Variants in SPSB4 observed in about 807,000 individuals in gnomAD.
The protein encoded by SPSB4 is splA/ryanodine receptor domain and SOCS box containing 4, also known as SPRY domain-containing SOCS box protein 4.
In SPSB4, 21 loss-of-function variants were observed where a neutral mutation model predicts 20.9. That is an observed-to-expected ratio of 1.01 (90% CI 0.71 to 1.45). The LOEUF (loss-of-function observed/expected upper bound fraction) is 1.45. Among genes scored for constraint, SPSB4 ranks in the 40% most tolerant of loss-of-function variants. The probability of loss-of-function intolerance (pLI) is 0.00; values close to 1 mark genes in which losing one functional copy is unlikely to be tolerated. For synonymous variants in SPSB4, 207 were observed against 183.8 expected (o/e 1.13, Z -1.02); for missense variants, 399 against 399.2 (o/e 1.00, Z 0.00).
At chr3:141,107,207 G>A (rs1435860713) in intron 2 of SPSB4, among the ~76,000 whole-genome samples, 2 of 152,258 alleles carry the variant, frequency 1.3e-5, no homozygotes, top group African/African-American at 4.8e-5. Context: ...CTAAAGGGCA[G>A]GTGACGGATG....
At chr3:141,109,619 C>T (rs1222990115) in intron 2 of SPSB4, among the ~76,000 whole-genome samples, 1 of 152,046 alleles carries the variant, frequency 6.6e-6, no homozygotes, top group African/African-American at 2.4e-5. Context: ...TTTAGACTTC[C>T]ACAGTAATCT....
intron 2 of SPSB4, among the ~76,000 whole-genome samples, chr3:141,078,296 T>C (rs1457496225): frequency 6.6e-6 from 1 of 152,224 alleles, no homozygotes; most frequent in African/African-American, 2.4e-5. Context: ...ACCCTTGCAG[T>C]GGGGCTTGGA....
At chr3:141,099,678 T>C (rs1938588677) in intron 2 of SPSB4, among the ~76,000 whole-genome samples, 1 of 152,208 alleles carries the variant, frequency 6.6e-6, no homozygotes, top group South Asian at 2.1e-4. Context: ...AATCTTAGGA[T>C]AGTGAGGGGA....
At chr3:141,134,832 T>C (rs1056980862) in intron 2 of SPSB4, among the ~76,000 whole-genome samples, 7 of 152,064 alleles carry the variant, frequency 4.6e-5, no homozygotes, top group African/African-American at 1.4e-4. Context: ...ACTGGCTTCA[T>C]AGAATAATTT....
chr3:141,094,973 A>T (rs1319391576), intron 2 of SPSB4, among the ~76,000 whole-genome samples: 1 of 151,880 alleles, frequency 6.6e-6, no homozygotes, highest in African/African-American at 2.4e-5. Context: ...CCTCCCAGAG[A>T]ACATGGGAGA....
At chr3:141,088,861 A>G (rs1414259467) in intron 2 of SPSB4, among the ~76,000 whole-genome samples, 1 of 152,106 alleles carries the variant, frequency 6.6e-6, no homozygotes, top group Admixed American at 6.5e-5. Context: ...CTGCACCCAC[A>G]TCTTTGTCTC....
At chr3:141,123,952 G>A (rs1167181332) in intron 2 of SPSB4, 1 of 152,286 alleles carries the variant, frequency 6.6e-6, no homozygotes, top group Admixed American at 6.5e-5. Flanking sequence ...GCTGAGTTAG[G>A]AGTATCCTCT....
chr3:141,057,099 T>C (rs982135714), intron 1 of SPSB4, among the ~76,000 whole-genome samples: 2 of 152,210 alleles, frequency 1.3e-5, no homozygotes, highest in Non-Finnish European at 2.9e-5. Context: ...TGATTCCACC[T>C]GGAACTGGAC....
At chr3:141,140,660 G>A (rs1012104550) in intron 2 of SPSB4, among the ~76,000 whole-genome samples, 21 of 152,310 alleles carry the variant, frequency 1.4e-4, no homozygotes, top group Middle Eastern at 3.4e-3. Flanking sequence ...TTGGTGAACC[G>A]CAAATGCTGC....
intron 2 of SPSB4, among the ~76,000 whole-genome samples, chr3:141,084,521 C>T (rs1938306965): frequency 6.6e-6 from 1 of 152,238 alleles, no homozygotes. Flanking sequence ...CATTTTTAGG[C>T]AGCTGCCCTG....
At chr3:141,056,830 G>C (rs1365016859) in intron 1 of SPSB4, among the ~76,000 whole-genome samples, 1 of 152,260 alleles carries the variant, frequency 6.6e-6, no homozygotes. Context: ...TGGTGACCGG[G>C]CTGGCCCGGA....
chr3:141,083,222 A>G (rs62283579), intron 2 of SPSB4, among the ~76,000 whole-genome samples: 24,506 of 152,110 alleles, frequency 0.16, 2,389 homozygotes, highest in African/African-American at 0.24. Flanking sequence ...GTGCCTGGCC[A>G]GCTTATTTGA....
At chr3:141,119,249 G>C (rs547372974) in intron 2 of SPSB4, among the ~76,000 whole-genome samples, 2 of 152,278 alleles carry the variant, frequency 1.3e-5, no homozygotes, top group South Asian at 4.1e-4. Flanking sequence ...TCTCTTTGTA[G>C]TAATTGTGAA....
intron 2 of SPSB4, among the ~76,000 whole-genome samples, chr3:141,100,378 C>T (rs570020095): frequency 1.3e-5 from 2 of 152,266 alleles, no homozygotes; most frequent in Admixed American, 6.5e-5. Context: ...TGGACATAGA[C>T]ATGCACACAA....
intron 2 of SPSB4, among the ~76,000 whole-genome samples, chr3:141,129,399 C>T (rs1459796295): frequency 1.3e-5 from 2 of 152,184 alleles, no homozygotes; most frequent in Admixed American, 6.5e-5. Context: ...CTCCTTGGAG[C>T]TTGGGGTTTC....
chr3:141,123,701 G>A, intron 2 of SPSB4, among the ~76,000 whole-genome samples: 1 of 152,236 alleles, frequency 6.6e-6, no homozygotes, highest in East Asian at 1.9e-4. Context: ...GATATTGGAT[G>A]TGTTTCTTTC....
chr3:141,147,146 G>A lies in SPSB4; in HGVS notation c.699G>A (p.Glu233=). 1 of 1,614,048 alleles carries A rather than the reference G, an allele frequency of 6.2e-7. No individual in the cohort carries two copies. Among genetic ancestry groups the A allele is most frequent in the Non-Finnish European group, 8.5e-7 (1 of 1,180,042 alleles). ...TMRYINGLDP[E]PLPLMDLCRR... is the part of the protein sequence containing the mutation. Reference sequence around the variant, plus strand: ...ACTGCTTCCCTCTCATTGCAGCCGAGCCCCTGCCACTGATGGACCTGTGCC... The same window carrying A: ...ACTGCTTCCCTCTCATTGCAGCCGAACCCCTGCCACTGATGGACCTGTGCC... Residue 233 remains glutamate, a synonymous_variant, in exon 3 of 3, where the codon GAG becomes GAA. Transcript: ENST00000310546.
chr3:141,122,235 T>A (rs1337323696), intron 2 of SPSB4, among the ~76,000 whole-genome samples: 1 of 152,212 alleles, frequency 6.6e-6, no homozygotes, highest in Non-Finnish European at 1.5e-5. Flanking sequence ...TGCCTGGGTA[T>A]CACCAGCAGA....
At chr3:141,079,313 G>T (rs996756035) in intron 2 of SPSB4, among the ~76,000 whole-genome samples, 3 of 151,652 alleles carry the variant, frequency 2.0e-5, no homozygotes, top group African/African-American at 7.3e-5. Context: ...GAGGCCCAGG[G>T]AAAGAGTGCC....
Sources: gnomAD v4.1 joint callset for allele counts (sites outside exome capture counted in the v4.1 genomes callset) on GRCh38, gnomAD v4.1.1 for gene constraint, MANE v1.5 for transcripts, NCBI Gene and HGNC (gene_info 2026-07-23, HGNC 2026-07-21) for gene names.